Variants in CDH4 observed in about 807,000 individuals in gnomAD.
CDH4 encodes the protein cadherin-4.
In CDH4, 33 loss-of-function variants were observed where a neutral mutation model predicts 86.0. The ratio of observed to expected loss-of-function variants is 0.38; its 90% CI spans 0.29 to 0.51. The LOEUF is 0.51. Ranked by LOEUF, CDH4 falls within the 20% of genes least tolerant of loss-of-function variation. CDH4 has a pLI of 0.86. For synonymous variants in CDH4, 555 were observed against 549.4 expected (o/e 1.01, Z -0.14); for missense variants, 1,114 against 1,307.4 (o/e 0.85, Z 2.28).
At chr20:61,408,501 G>A (rs901977878) in intron 2 of CDH4, among the ~76,000 whole-genome samples, 1 of 152,136 alleles carries the variant, frequency 6.6e-6, no homozygotes, top group African/African-American at 2.4e-5. Flanking sequence ...TTACACTTGG[G>A]CACAAATCTA....
intron 2 of CDH4, among the ~76,000 whole-genome samples, chr20:61,422,570 G>T (rs1235503918): frequency 6.6e-6 from 1 of 151,764 alleles, no homozygotes; most frequent in Non-Finnish European, 1.5e-5. Flanking sequence ...TATACTAAGG[G>T]TGCATGCCAG....
intron 7 of CDH4, among the ~76,000 whole-genome samples, chr20:61,882,712 A>G (rs544521869): frequency 6.6e-6 from 1 of 152,320 alleles, no homozygotes; most frequent in Admixed American, 6.5e-5. Context: ...GAGAAAATGA[A>G]AGACAAAAAG....
intron 2 of CDH4, chr20:61,740,352 G>A (rs910994643): frequency 6.6e-6 from 1 of 152,224 alleles, no homozygotes; most frequent in African/African-American, 2.4e-5. Flanking sequence ...ATGGCAAAGT[G>A]TTAGTAACAT....
At chr20:61,719,568 T>C in intron 2 of CDH4, 1 of 187,840 alleles carries the variant, frequency 5.3e-6, no homozygotes, top group Non-Finnish European at 1.1e-5. Context: ...CCGCTTTAAA[T>C]CACAAAAGCC....
chr20:61,936,709 A>G, intron 15 of CDH4, 28 bp from the exon 16 acceptor site: 2 of 1,487,214 alleles, frequency 1.3e-6, no homozygotes, highest in Non-Finnish European at 8.9e-7. Flanking sequence ...CGCGTCCTGC[A>G]CCCTAACTCT....
chr20:61,792,703 T>G (rs1979267995), intron 4 of CDH4, among the ~76,000 whole-genome samples: 1 of 151,822 alleles, frequency 6.6e-6, no homozygotes, highest in Non-Finnish European at 1.5e-5. Flanking sequence ...CGGGCTGGAG[T>G]GTTGTGGCAT....
chr20:61,439,163 T>G (rs553308928), intron 2 of CDH4, among the ~76,000 whole-genome samples: 1 of 152,140 alleles, frequency 6.6e-6, no homozygotes, highest in Non-Finnish European at 1.5e-5. Context: ...ATCTTGGTGC[T>G]TGAAGTTGTG....
intron 2 of CDH4, among the ~76,000 whole-genome samples, chr20:61,278,938 C>T (rs1358153175): frequency 6.6e-6 from 1 of 152,220 alleles, no homozygotes; most frequent in Non-Finnish European, 1.5e-5. Context: ...CTTCTGGAGG[C>T]TTTGCCATAG....
intron 5 of CDH4, among the ~76,000 whole-genome samples, chr20:61,852,191 G>A (rs1414687807): frequency 5.3e-5 from 8 of 151,780 alleles, no homozygotes; most frequent in Non-Finnish European, 1.2e-4. Context: ...GCACACAGAC[G>A]CAGAGGAGCC....
At position 61,636,246 on chromosome 20, in the gene CDH4, G is replaced by A. The variant is rs538601712; in HGVS notation, c.170-107317G>A. 5.4e-3 allele frequency among the ~76,000 whole-genome samples: 821 copies of A among 152,256 alleles called. 8 individuals carry two copies. Among genetic ancestry groups the A allele is most frequent in the Non-Finnish European group, 6.8e-3 (465 of 68,014 alleles). ...CTCTTTAAACTTCAGACCATGAATC[G>A]CATAAGAAAAAGCACTCCCAGAGCC... On this transcript the variant is annotated intron_variant, in intron 2 of 15. Coordinates refer to ENST00000614565, the MANE Select transcript of CDH4 (RefSeq NM_001794.5).
chr20:61,727,197 C>A (rs148376119), intron 2 of CDH4, among the ~76,000 whole-genome samples: 1 of 152,124 alleles, frequency 6.6e-6, no homozygotes, highest in Non-Finnish European at 1.5e-5. Context: ...CCATCAGAGT[C>A]ATCATCTTCA....
chr20:61,533,131 GCA>G (rs529692619), intron 2 of CDH4, among the ~76,000 whole-genome samples: 95 of 152,278 alleles, frequency 6.2e-4, no homozygotes, highest in African/African-American at 2.2e-3. Context: ...CTTGGAGCAG[GCA>G]CAGAGAAGAA....
intron 2 of CDH4, among the ~76,000 whole-genome samples, chr20:61,682,381 A>C (rs2087525844): frequency 7.5e-6 from 1 of 132,640 alleles, no homozygotes; most frequent in Non-Finnish European, 1.6e-5. Context: ...TGGTGGATGG[A>C]TGATGGATGG....
chr20:61,671,704 T>C (rs918757704), intron 2 of CDH4, among the ~76,000 whole-genome samples: 2 of 147,988 alleles, frequency 1.4e-5, no homozygotes, highest in African/African-American at 2.5e-5. Context: ...GGTGGATAGA[T>C]GGTAGATGGA....
intron 9 of CDH4, among the ~76,000 whole-genome samples, chr20:61,922,137 A>G (rs1160304052): frequency 6.6e-6 from 1 of 152,214 alleles, no homozygotes; most frequent in Admixed American, 6.5e-5. Flanking sequence ...CATTTCCAGC[A>G]TATTGTCTCG....
chr20:61,831,766 G>A (rs1014294816), intron 4 of CDH4, among the ~76,000 whole-genome samples: 1 of 152,260 alleles, frequency 6.6e-6, no homozygotes, highest in Non-Finnish European at 1.5e-5. Flanking sequence ...CCCCTGCAGT[G>A]GGATTCCCAG....
chr20:61,857,104 G>A (rs929369379), intron 6 of CDH4, among the ~76,000 whole-genome samples: 2 of 152,224 alleles, frequency 1.3e-5, no homozygotes, highest in Non-Finnish European at 2.9e-5. Context: ...GCAGGTTCTC[G>A]TGGGTCTCAC....
chr20:61,402,523 C>T (rs1396420153), intron 2 of CDH4, among the ~76,000 whole-genome samples: 1 of 152,128 alleles, frequency 6.6e-6, no homozygotes, highest in Non-Finnish European at 1.5e-5. Flanking sequence ...TCCCAAGTAG[C>T]TGGGACTACA....
intron 4 of CDH4, among the ~76,000 whole-genome samples, chr20:61,803,372 C>T (rs1979940506): frequency 6.6e-6 from 1 of 152,226 alleles, no homozygotes; most frequent in Non-Finnish European, 1.5e-5. Flanking sequence ...CTCCCTAATA[C>T]CAAGAGACGG....
Sources: allele counts gnomAD v4.1 joint callset (sites outside exome capture counted in the v4.1 genomes callset), GRCh38; gene constraint gnomAD v4.1.1; transcripts MANE v1.5; gene names NCBI Gene and HGNC (gene_info 2026-07-23, HGNC 2026-07-21).